RAB11FIP4: variants seen among roughly 807,000 people sequenced by gnomAD.
RAB11FIP4 encodes the protein RAB11 family interacting protein 4.
Under a neutral mutation model 74.3 loss-of-function variants are expected in RAB11FIP4, and 23 were observed. The observed-to-expected ratio is 0.31, with a 90% CI of 0.22 to 0.44. The LOEUF (loss-of-function observed/expected upper bound fraction) is 0.44, where lower values mean the gene tolerates loss of function less well. Among genes scored for constraint, RAB11FIP4 ranks in the 20% least tolerant of loss-of-function variants. The pLI is 1.00. For missense variants in RAB11FIP4, 630 were observed against 863.9 expected (o/e 0.73, Z 3.39); for synonymous variants, 360 against 359.9 (o/e 1.00, Z 0.00).
At chr17:31,406,783 A>AT (rs1248246729) in intron 1 of RAB11FIP4, among the ~76,000 whole-genome samples, 7 of 151,894 alleles carry the variant, frequency 4.6e-5, no homozygotes, top group African/African-American at 9.7e-5. Flanking sequence ...TTGTCATGCC[A>AT]TTTTTTCTTG....
intron 3 of RAB11FIP4, among the ~76,000 whole-genome samples, chr17:31,506,494 A>G (rs2072351163): frequency 6.6e-6 from 1 of 152,184 alleles, no homozygotes; most frequent in Non-Finnish European, 1.5e-5. Flanking sequence ...TAGTCCTCCC[A>G]TCTGACTATA....
chr17:31,487,671 C>G (rs2071921456), intron 3 of RAB11FIP4, among the ~76,000 whole-genome samples: 1 of 151,924 alleles, frequency 6.6e-6, no homozygotes, highest in Non-Finnish European at 1.5e-5. Context: ...AGCCGGGGAG[C>G]GCCGGCCGGA....
At chr17:31,489,708 G>A (rs2071969925) in intron 3 of RAB11FIP4, among the ~76,000 whole-genome samples, 1 of 152,198 alleles carries the variant, frequency 6.6e-6, no homozygotes, top group South Asian at 2.1e-4. Flanking sequence ...AGTTGTCTTT[G>A]AGGTCCCTGT....
intron 5 of RAB11FIP4, 49 bp from the exon 6 acceptor site, chr17:31,521,866 C>G (rs1482232329): frequency 6.2e-7 from 1 of 1,610,390 alleles, no homozygotes; most frequent in South Asian, 1.1e-5. Context: ...GTGTAGGGCA[C>G]CAGACTGGAC....
chr17:31,403,251 C>A (rs1157975545), intron 1 of RAB11FIP4, among the ~76,000 whole-genome samples: 1 of 151,992 alleles, frequency 6.6e-6, no homozygotes, highest in Non-Finnish European at 1.5e-5. Flanking sequence ...TTTCCATGGA[C>A]AGAGAGGATA....
chr17:31,430,687 G>A (rs1339046758), intron 1 of RAB11FIP4, among the ~76,000 whole-genome samples: 1 of 152,006 alleles, frequency 6.6e-6, no homozygotes, highest in Non-Finnish European at 1.5e-5. Context: ...CCTAAGTGTG[G>A]TGGAATGATA....
chr17:31,523,285 G>A, intron 7 of RAB11FIP4: 1 of 579,258 alleles, frequency 1.7e-6, no homozygotes, highest in Non-Finnish European at 3.1e-6. Flanking sequence ...TGCGTCATTG[G>A]CTGTGTCTGC....
chr17:31,417,659 G>A (rs1053112371), intron 1 of RAB11FIP4, among the ~76,000 whole-genome samples: 3 of 152,254 alleles, frequency 2.0e-5, no homozygotes, highest in African/African-American at 4.8e-5. Context: ...TGGGGCTGCG[G>A]TGGGGAACTA....
intron 3 of RAB11FIP4, among the ~76,000 whole-genome samples, chr17:31,493,515 C>CA (rs938191110): frequency 6.6e-6 from 1 of 152,096 alleles, no homozygotes; most frequent in African/African-American, 2.4e-5. Context: ...CCCTCTGCAC[C>CA]AGACTCAAGT....
rs371372154 is a variant in RAB11FIP4, at chr17:31,528,635, C to A, written c.1510C>A (p.Arg504=). 46 of 1,613,284 alleles carry A rather than the reference C, an allele frequency of 2.9e-5. No individual in the cohort carries two copies. The highest frequency in any genetic ancestry group is 3.6e-5 in the Non-Finnish European group (43 of 1,179,758). The change falls in exon 13 of 15, where the codon CGG becomes AGG. Residue 504 remains arginine, a synonymous_variant. Transcript: ENST00000621161. The part of the protein sequence containing the change: ...EATQELIEDL[R]KELEHLQMYK... ...TCCCTCGCAGCTCATCGAGGACTTG[C>A]GGAAGGAGCTGGAGCACCTGCAGAT... is the stretch of plus-strand genomic sequence containing the variant.
At chr17:31,470,368 T>C (rs2071726374) in intron 3 of RAB11FIP4, among the ~76,000 whole-genome samples, 2 of 152,144 alleles carry the variant, frequency 1.3e-5, no homozygotes, top group South Asian at 2.1e-4. Context: ...GGAAGGGTGA[T>C]TGATGCTCTG....
intron 3 of RAB11FIP4, among the ~76,000 whole-genome samples, chr17:31,446,733 G>A (rs178858): frequency 0.35 from 53,656 of 151,976 alleles, 9,610 homozygotes; most frequent in South Asian, 0.42. Context: ...GTGCTTCTCC[G>A]GGTACCTGTG....
rs1296219582 is a variant in RAB11FIP4 at position 31,517,633 on chromosome 17, C to T, written c.337-18C>T. On this transcript the variant is annotated intron_variant, in intron 3 of 14. Coordinates refer to ENST00000621161, the MANE Select transcript of RAB11FIP4 (RefSeq NM_032932.6). The stretch of plus-strand genomic sequence containing the variant: ...GAAGCTGGCCTCACTTATCTTGTCT[C>T]TGCTCTCTCTTTCCCAGGGCAGCGA... The T allele has an allele frequency of 1.3e-6, 2 of 1,582,672 alleles. No individual in the cohort carries two copies. The highest frequency in any genetic ancestry group is 8.6e-7 in the Non-Finnish European group (1 of 1,164,306).
At position 31,535,262 on chromosome 17, in the gene RAB11FIP4, T is replaced by G. The variant is rs2072938992; in HGVS notation, c.*3530T>G. On this transcript the variant is annotated 3_prime_UTR_variant, in exon 15 of 15. Transcript: ENST00000621161. ...AGTGATACCTTGTCTCTACCAAAAGTTAAAAAAAAAAAAAAAAAAGCTCAA... is the reference window on the plus strand; with the variant it reads ...AGTGATACCTTGTCTCTACCAAAAGGTAAAAAAAAAAAAAAAAAAGCTCAA... 1.0e-5 allele frequency: 1 copy of G among 96,836 alleles called. No individual in the cohort carries two copies. The highest frequency in any genetic ancestry group is 2.1e-5 in the Non-Finnish European group (1 of 48,678). The allele number at this position is 96,836 out of a possible 1,614,324, so 6.0% of individuals were successfully genotyped here.
chr17:31,391,759 C>G lies in RAB11FIP4; in HGVS notation c.-94C>G, dbSNP rs1222556631. The G allele has an allele frequency of 3.3e-5, 30 of 913,600 alleles. No homozygotes were observed. Among genetic ancestry groups the G allele is most frequent in the Non-Finnish European group, 3.7e-5 (28 of 766,800 alleles). The allele number at this position is 913,600 out of a possible 1,614,324, so 56.6% of individuals were successfully genotyped here. A position where few individuals can be genotyped will look rare whatever the true frequency, so the allele number is the denominator to read the frequency against. ...GGAGGCTGCGCGGCGCAGACCCAGA[C>G]GGGCGGCCCCGGAGGGCGCGCGGCG... On this transcript the variant is annotated 5_prime_UTR_variant, in exon 1 of 15. Transcript: ENST00000621161.
chr17:31,442,728 G>A (rs1041217677), intron 3 of RAB11FIP4, among the ~76,000 whole-genome samples: 5 of 152,160 alleles, frequency 3.3e-5, no homozygotes, highest in African/African-American at 1.2e-4. Flanking sequence ...GGGAAGTGGA[G>A]GCAGGTGGAT....
At chr17:31,477,303 G>T (rs2071803207) in intron 3 of RAB11FIP4, among the ~76,000 whole-genome samples, 1 of 152,222 alleles carries the variant, frequency 6.6e-6, no homozygotes, top group African/African-American at 2.4e-5. Context: ...TGTTCCTCAG[G>T]CAGGGAGCAA....
intron 3 of RAB11FIP4, among the ~76,000 whole-genome samples, chr17:31,444,355 C>G (rs1444926796): frequency 6.6e-6 from 1 of 151,036 alleles, no homozygotes; most frequent in African/African-American, 2.4e-5. Flanking sequence ...CAACACCCCC[C>G]CCACCCTTCT....
intron 3 of RAB11FIP4, among the ~76,000 whole-genome samples, chr17:31,447,670 G>A (rs753637551): frequency 4.0e-5 from 6 of 151,692 alleles, no homozygotes; most frequent in African/African-American, 7.3e-5. Context: ...TTACACACGC[G>A]CACCCCCATG....
Sources: gnomAD v4.1 joint callset for allele counts (sites outside exome capture counted in the v4.1 genomes callset) on GRCh38, gnomAD v4.1.1 for gene constraint, MANE v1.5 for transcripts, NCBI Gene and HGNC (gene_info 2026-07-23, HGNC 2026-07-21) for gene names.